BRD8: variants seen among roughly 807,000 people sequenced by gnomAD.
The protein encoded by BRD8 is bromodomain containing 8.
Under a neutral mutation model 143.1 loss-of-function variants are expected in BRD8, and 67 were observed. That is an observed-to-expected ratio of 0.47 (90% CI 0.38 to 0.57). BRD8 has a LOEUF of 0.57. Among genes scored for constraint, BRD8 ranks in the 20% least tolerant of loss-of-function variants. BRD8 has a pLI of 0.00. For synonymous variants in BRD8, 505 were observed against 517.1 expected (o/e 0.98, Z 0.32); for missense variants, 1,103 against 1,503.0 (o/e 0.73, Z 4.40).
intron 2 of BRD8, among the ~76,000 whole-genome samples, chr5:138,174,610 C>T (rs1754166641): frequency 6.6e-6 from 1 of 150,546 alleles, no homozygotes; most frequent in Admixed American, 6.6e-5. Context: ...AAAAAAGGTG[C>T]AGTTTACTGC....
chr5:138,165,425 T>C (rs1050487898), intron 11 of BRD8, among the ~76,000 whole-genome samples: 1 of 152,114 alleles, frequency 6.6e-6, no homozygotes, highest in African/African-American at 2.4e-5. Flanking sequence ...TAAGTAATTC[T>C]TACTGTAAGA....
In BRD8 at chr5:138,149,765, G is replaced by T. The variant is rs1296750674; in HGVS notation, c.3153C>A (p.Asp1051Glu). Reference sequence around the variant, plus strand: ...TCTCTGACACATATACTTCACCCTGGTCCTCCCCTTTGGATTCTTGCTGAG... The same window carrying T: ...TCTCTGACACATATACTTCACCCTGTTCCTCCCCTTTGGATTCTTGCTGAG... Reference protein sequence around the residue: ...GEAQQESKGEDQGEVYVSEME... With the variant: ...GEAQQESKGEEQGEVYVSEME... Residue 1051 changes from aspartate (D) to glutamate (E), a missense_variant, in exon 23 of 27, where the codon GAC (aspartate) becomes GAA (glutamate). Around this residue, in one of 7 missense-constraint regions of BRD8, gnomAD observed 369 missense variants for 445.5 expected, o/e 0.83. Transcript: ENST00000254900. 1.2e-6 allele frequency: 2 copies of T among 1,610,742 alleles called. No individual in the cohort carries two copies. Among genetic ancestry groups the T allele is most frequent in the Non-Finnish European group, 1.7e-6 (2 of 1,179,060 alleles).
chr5:138,151,946 T>G lies in BRD8; in HGVS notation c.2856+536A>C, dbSNP rs545626823. Reference sequence around the variant, plus strand: ...CTCAGCTCACTGCAACCTCCGCCTCTCAGGTTCAAGTGATTCTCCTGCCTC... The same window carrying G: ...CTCAGCTCACTGCAACCTCCGCCTCGCAGGTTCAAGTGATTCTCCTGCCTC... On this transcript the variant is annotated intron_variant, in intron 21 of 26. Coordinates refer to ENST00000254900, the MANE Select transcript of BRD8 (RefSeq NM_139199.2). 9.3e-5 allele frequency among the ~76,000 whole-genome samples: 14 copies of G among 151,306 alleles called. No homozygotes were observed. In the South Asian group the frequency reaches 2.9e-3, roughly 32 times the overall value.
At chr5:138,156,006 C>A (rs1752576010) in intron 20 of BRD8, among the ~76,000 whole-genome samples, 1 of 151,446 alleles carries the variant, frequency 6.6e-6, no homozygotes, top group Admixed American at 6.6e-5. Context: ...TCCCGAGTAG[C>A]TGGGACTACA....
intron 2 of BRD8, among the ~76,000 whole-genome samples, chr5:138,173,088 C>T (rs1754022601): frequency 6.6e-6 from 1 of 152,054 alleles, no homozygotes; most frequent in African/African-American, 2.4e-5. Flanking sequence ...AAAACTTTTA[C>T]TCAAGTATTC....
At chr5:138,174,889 G>GTTTT (rs1168055000) in intron 2 of BRD8, among the ~76,000 whole-genome samples, 1 of 137,400 alleles carries the variant, frequency 7.3e-6, no homozygotes, top group Non-Finnish European at 1.6e-5. Context: ...ATAAACTCAA[G>GTTTT]TTTTTTTTTT....
At chr5:138,174,462 G>A (rs1018002584) in intron 2 of BRD8, among the ~76,000 whole-genome samples, 3 of 152,094 alleles carry the variant, frequency 2.0e-5, no homozygotes, top group African/African-American at 4.8e-5. Context: ...CAGGCATGGT[G>A]GCAAAGGCCT....
At chr5:138,143,101 A>G (rs1315939045) in intron 25 of BRD8, among the ~76,000 whole-genome samples, 2 of 151,928 alleles carry the variant, frequency 1.3e-5, no homozygotes, top group East Asian at 1.9e-4. Flanking sequence ...CCTGGGCACC[A>G]TGGTGAAACT....
chr5:138,172,682 A>G, intron 2 of BRD8: 1 of 376,204 alleles, frequency 2.7e-6, no homozygotes, highest in Non-Finnish European at 5.1e-6. Context: ...AAAAAAAAAA[A>G]AAAAAAAAAA....
intron 2 of BRD8, chr5:138,172,862 C>CA (rs148319080): frequency 4.3e-3 from 1,128 of 263,520 alleles, no homozygotes; most frequent in South Asian, 8.1e-3. Flanking sequence ...CTCCGCCATT[C>CA]AAAAAAAAAA....
In BRD8 at chr5:138,163,133, T is replaced by C. The variant is rs1346208740; in HGVS notation, c.2084A>G (p.Gln695Arg). ...AGAAAGAATCTCAGATACTCACAAC[T>C]GTGAAGAAGCAGGGCTGCTGGGGAT... ...DSIPSSPASS[Q>R]FSVCSEDQEA... is the part of the protein sequence containing the mutation. Residue 695 changes from glutamine (Q) to arginine (R), a missense_variant, in exon 15 of 27, where the codon CAG becomes CGG. Physicochemically the swap from Gln to Arg is conservative, Grantham distance 43. Coordinates refer to ENST00000254900, the MANE Select transcript of BRD8 (RefSeq NM_139199.2). 1.2e-6 allele frequency: 2 copies of C among 1,613,724 alleles called. No homozygotes were observed. The highest frequency in any genetic ancestry group is 1.7e-6 in the Non-Finnish European group (2 of 1,179,912).
chr5:138,167,916 G>A lies in BRD8; in HGVS notation c.787+18C>T, dbSNP rs1753568513. The A allele has an allele frequency of 1.9e-6, 3 of 1,611,530 alleles. No individual in the cohort carries two copies. Among genetic ancestry groups the A allele is most frequent in the East Asian group, 2.2e-5 (1 of 44,878 alleles). On this transcript the variant is annotated intron_variant, in intron 9 of 26. Coordinates refer to ENST00000254900, the MANE Select transcript of BRD8 (RefSeq NM_139199.2). ...GTTCAACACCTTTGAGGTTGATAAA[G>A]GAAAAGTGGTAACTTACCTGATGCA...
At chr5:138,164,053 C>A in intron 14 of BRD8, 34 bp downstream of exon 14, 5 of 1,601,224 alleles carry the variant, frequency 3.1e-6, no homozygotes, top group Non-Finnish European at 4.3e-6. Context: ...AATCTAATCA[C>A]ATGGCAAGAG....
In BRD8 at chr5:138,156,741, C is replaced by T. The variant is rs1015612867; in HGVS notation, c.2577+2814G>A. The T allele has an allele frequency of 7.9e-6, 6 of 760,318 alleles. No homozygotes were observed. The African/African-American group carries it at 9.6e-5, about 12-fold the overall frequency. 47.1% of individuals were successfully genotyped at this position (760,318 alleles called of 1,614,324 possible). A position where few individuals can be genotyped will look rare whatever the true frequency, so the allele number is the denominator to read the frequency against. Reference sequence around the variant, plus strand: ...TCTGGTTGCTTACCTTCTCACACTACAGCAAGCAGTTCATAAGACTTTTCC... The same window carrying T: ...TCTGGTTGCTTACCTTCTCACACTATAGCAAGCAGTTCATAAGACTTTTCC... On this transcript the variant is annotated intron_variant, in intron 20 of 26. Transcript: ENST00000254900.
intron 13 of BRD8, 45 bp from the exon 14 acceptor site, chr5:138,164,178 C>A: frequency 6.2e-7 from 1 of 1,601,500 alleles, no homozygotes; most frequent in East Asian, 2.2e-5. Context: ...CCACCTTAGC[C>A]TTCCCCTTCC....
At position 138,165,114 on chromosome 5, in the gene BRD8, G is replaced by A; in HGVS notation, c.1331C>T (p.Ser444Leu). Residue 444 changes from serine (S) to leucine (L), a missense_variant, in exon 12 of 27, where the codon TCA (serine) becomes TTA (leucine). Ser to Leu is a moderately radical substitution (Grantham distance 145, BLOSUM62 -2). Coordinates refer to ENST00000254900, the MANE Select transcript of BRD8 (RefSeq NM_139199.2). ...AGGATCATCATTTTCTTCACAAAAT[G>A]ACAGTGCTGCTTCCACTGCTGCCAC... The part of the protein sequence containing the change: ...LDVAAVEAAL[S>L]FCEENDDPQS... The A allele has an allele frequency of 6.2e-7, 1 of 1,614,148 alleles. No individual in the cohort carries two copies. The highest frequency in any genetic ancestry group is 8.5e-7 in the Non-Finnish European group (1 of 1,180,028).
chr5:138,161,897 A>C, intron 16 of BRD8, 33 bp from the exon 17 acceptor site: 1 of 1,611,502 alleles, frequency 6.2e-7, no homozygotes, highest in South Asian at 1.1e-5. Flanking sequence ...AATTACTGAC[A>C]TTCTCCAGAA....
chr5:138,140,504 A>T, intron 26 of BRD8: 1 of 639,024 alleles, frequency 1.6e-6, no homozygotes, highest in Non-Finnish European at 2.8e-6. Flanking sequence ...TGCTGCCTGC[A>T]TTCCTAGACT....
At chr5:138,144,126 C>G (rs923743697) in intron 25 of BRD8, among the ~76,000 whole-genome samples, 1 of 128,136 alleles carries the variant, frequency 7.8e-6, no homozygotes, top group Non-Finnish European at 1.7e-5. Context: ...CCGGATGTAC[C>G]ACCTTTAAGA....
Sources: gnomAD v4.1 joint callset for allele counts (sites outside exome capture counted in the v4.1 genomes callset) on GRCh38, gnomAD v4.1.1 for gene constraint, gnomAD v4.1.1 regional missense constraint, MANE v1.5 for transcripts, NCBI Gene and HGNC (gene_info 2026-07-23, HGNC 2026-07-21) for gene names.